The following ABLIM1 variants were observed in gnomAD, a reference collection of about 807,000 sequenced individuals.
ABLIM1 encodes the protein actin binding LIM protein 1, also known as actin-binding LIM protein 1.
In ABLIM1, 40 loss-of-function variants were observed where a neutral mutation model predicts 107.0. The observed-to-expected ratio is 0.37, with a 90% CI of 0.29 to 0.49. The LOEUF (loss-of-function observed/expected upper bound fraction) is 0.49, where lower values mean the gene tolerates loss of function less well. Ranked by LOEUF, ABLIM1 falls within the 20% of genes least tolerant of loss-of-function variation. The probability of loss-of-function intolerance (pLI) is 0.97; values close to 1 mark genes in which losing one functional copy is unlikely to be tolerated. For synonymous variants in ABLIM1, 357 were observed against 357.3 expected, an observed-to-expected ratio of 1.00 and a Z score of 0.01; for missense variants, 857 against 1,008.5, an observed-to-expected ratio of 0.85 and a Z score of 2.04.
the ABLIM1 span, among the ~76,000 whole-genome samples, chr10:114,787,363 G>A: frequency 1.3e-5 from 2 of 151,620 alleles, no homozygotes; most frequent in Non-Finnish European, 2.9e-5. Context: ...GGGAAGTGAG[G>A]AGCGTCTCCA....
At chr10:114,559,114 A>C (rs551541129) in intron 4 of ABLIM1, among the ~76,000 whole-genome samples, 1 of 152,268 alleles carries the variant, frequency 6.6e-6, no homozygotes, top group African/African-American at 2.4e-5. Context: ...CATTGGTCTC[A>C]TGTGGTTGCT....
At chr10:114,778,280 C>A in the ABLIM1 span, 1 of 152,222 alleles carries the variant, frequency 6.6e-6, no homozygotes, top group Non-Finnish European at 1.5e-5. Flanking sequence ...GGGAGGATCA[C>A]CTGAGCCCGG....
intron 1 of ABLIM1, among the ~76,000 whole-genome samples, chr10:114,749,834 T>C (rs1416049436): frequency 2.0e-5 from 3 of 152,218 alleles, no homozygotes; most frequent in East Asian, 1.9e-4. Flanking sequence ...GATACTCCCA[T>C]AGCTCGCTTT....
intron 1 of ABLIM1, among the ~76,000 whole-genome samples, chr10:114,699,106 A>C (rs2081256664): frequency 1.4e-5 from 1 of 74,046 alleles, no homozygotes; most frequent in African/African-American, 5.9e-5. Context: ...TTGCTTAGCA[A>C]AAAAAAAAAA....
chr10:114,678,147 T>C (rs2080573458), intron 1 of ABLIM1, among the ~76,000 whole-genome samples: 1 of 95,120 alleles, frequency 1.1e-5, no homozygotes, highest in Non-Finnish European at 2.5e-5. Context: ...ATTTTATTTC[T>C]AATCCTTTTT....
rs1232523128 is a variant in ABLIM1, at chr10:114,658,169, C to T, written c.32G>A (p.Gly11Glu). MPAFLGLKCL[G>E]KLCSSEKSKV... ...GCTTTTCTCAGAGCTGCACAATTTC[C>T]CCAGACACTTTAGACCAAGGAAGGC... Residue 11 changes from glycine (G) to glutamate (E), a missense_variant, in exon 1 of 23, where the codon GGG (glycine) becomes GAG (glutamate). Gly to Glu is a moderately conservative substitution (Grantham distance 98). Around this residue, in one of 5 missense-constraint regions of ABLIM1, gnomAD observed 176 missense variants for 173.5 expected, o/e 1.01. Transcript: ENST00000533213. The T allele has an allele frequency of 1.2e-6, 2 of 1,613,180 alleles. No individual in the cohort carries two copies. The highest frequency in any genetic ancestry group is 1.7e-5 in the Admixed American group (1 of 59,998).
chr10:114,670,815 T>A, intron 1 of ABLIM1, among the ~76,000 whole-genome samples: 1 of 152,270 alleles, frequency 6.6e-6, no homozygotes, highest in South Asian at 2.1e-4. Flanking sequence ...TTTTTTTCCA[T>A]GAATTTTTAA....
intron 1 of ABLIM1, chr10:114,632,010 G>T (rs2078215662): frequency 1.5e-6 from 2 of 1,292,166 alleles, no homozygotes; most frequent in South Asian, 1.3e-5. Flanking sequence ...ATCCGCGGGC[G>T]CTGGGGCAGC....
At chr10:114,664,727 A>G (rs570637866) in intron 1 of ABLIM1, among the ~76,000 whole-genome samples, 1 of 151,046 alleles carries the variant, frequency 6.6e-6, no homozygotes, top group Non-Finnish European at 1.5e-5. Flanking sequence ...TATTTTTAGT[A>G]GAGATGGGGT....
chr10:114,688,037 T>C (rs1039885303), upstream of ABLIM1, among the ~76,000 whole-genome samples: 2 of 152,200 alleles, frequency 1.3e-5, no homozygotes, highest in South Asian at 2.1e-4. Context: ...GCAAAAGTCA[T>C]TGTGGTTTTT....
chr10:114,522,644 G>A (rs1170511409), intron 6 of ABLIM1, among the ~76,000 whole-genome samples: 4 of 152,180 alleles, frequency 2.6e-5, no homozygotes, highest in Admixed American at 2.0e-4. Flanking sequence ...TAGTGTTTAT[G>A]AGCAACAAAT....
At chr10:114,799,849 C>G in the ABLIM1 span, among the ~76,000 whole-genome samples, 1 of 152,124 alleles carries the variant, frequency 6.6e-6, no homozygotes, top group African/African-American at 2.4e-5. Flanking sequence ...CATCTTGGCT[C>G]ACTGCAACCT....
intron 6 of ABLIM1, among the ~76,000 whole-genome samples, chr10:114,506,560 T>G (rs1450736025): frequency 6.6e-6 from 1 of 152,222 alleles, no homozygotes; most frequent in Non-Finnish European, 1.5e-5. Context: ...TTCTGACTAG[T>G]GTGAGACGGT....
At chr10:114,454,562 G>A (rs954189531) in intron 12 of ABLIM1, among the ~76,000 whole-genome samples, 9 of 152,150 alleles carry the variant, frequency 5.9e-5, no homozygotes, top group Admixed American at 5.9e-4. Flanking sequence ...GGAGAGAAGA[G>A]GGACCAGGGC....
upstream of ABLIM1, among the ~76,000 whole-genome samples, chr10:114,659,282 G>A (rs537641612): frequency 6.6e-6 from 1 of 152,046 alleles, no homozygotes; most frequent in Non-Finnish European, 1.5e-5. Flanking sequence ...GCTGAGGTGG[G>A]AGGATTGCTT....
intron 17 of ABLIM1, 152 bp downstream of exon 17, chr10:114,443,877 T>C: frequency 1.6e-6 from 1 of 622,064 alleles, no homozygotes. Flanking sequence ...CATGACATGC[T>C]TATGAGCTCA....
At chr10:114,521,396 G>A (rs1022684927) in intron 6 of ABLIM1, among the ~76,000 whole-genome samples, 6 of 152,238 alleles carry the variant, frequency 3.9e-5, no homozygotes, top group African/African-American at 1.4e-4. Flanking sequence ...CTTATAAAGT[G>A]CTAAGGCAAT....
At chr10:114,718,614 CG>C (rs1243607528) in intron 1 of ABLIM1, among the ~76,000 whole-genome samples, 2 of 152,246 alleles carry the variant, frequency 1.3e-5, no homozygotes, top group Non-Finnish European at 2.9e-5. Flanking sequence ...GAAGGTCTTC[CG>C]GGGGGAATCA....
chr10:114,622,251 T>TC (rs1271248717), intron 1 of ABLIM1, among the ~76,000 whole-genome samples: 4 of 150,168 alleles, frequency 2.7e-5, no homozygotes, highest in Non-Finnish European at 5.9e-5. Context: ...CTTTTTCTTT[T>TC]TTTTTTTTTT....
Sources: allele counts gnomAD v4.1 joint callset (sites outside exome capture counted in the v4.1 genomes callset), GRCh38; gene constraint gnomAD v4.1.1; regional missense constraint gnomAD v4.1.1; transcripts MANE v1.5; gene names NCBI Gene and HGNC (gene_info 2026-07-23, HGNC 2026-07-21).